Variants in ADAMTS14 observed in about 807,000 individuals in gnomAD.
ADAMTS14 encodes the protein ADAM metallopeptidase with thrombospondin type 1 motif 14.
In ADAMTS14, 100 loss-of-function variants were observed where a neutral mutation model predicts 128.6. That is an observed-to-expected ratio of 0.78 (90% CI 0.66 to 0.92). ADAMTS14 has a LOEUF of 0.92. Ranked by LOEUF, ADAMTS14 falls within the 40% of genes least tolerant of loss-of-function variation. The pLI, the probability that ADAMTS14 is intolerant of heterozygous loss-of-function variation, is 0.00. For synonymous variants in ADAMTS14, 665 were observed against 653.8 expected, an observed-to-expected ratio of 1.02 and a Z score of -0.26; for missense variants, 1,562 against 1,658.6, an observed-to-expected ratio of 0.94 and a Z score of 1.01.
intron 17 of ADAMTS14, 52 bp from the exon 18 acceptor site, chr10:70,752,043 G>T (rs931211672): frequency 6.3e-6 from 10 of 1,575,132 alleles, no homozygotes; most frequent in Non-Finnish European, 8.6e-6. Flanking sequence ...CCCCACCAGG[G>T]CAATGGGGGG....
intron 4 of ADAMTS14, among the ~76,000 whole-genome samples, chr10:70,711,229 A>G (rs1840847048): frequency 6.6e-6 from 1 of 152,214 alleles, no homozygotes; most frequent in Admixed American, 6.5e-5. Flanking sequence ...TCTCTACCAG[A>G]CATTCTGGCC....
rs546335747 is a variant in ADAMTS14, at chr10:70,690,768, G to A, written c.523-11544G>A. 1.2e-3 allele frequency among the ~76,000 whole-genome samples: 174 copies of A among 145,260 alleles called. 24 individuals are homozygous for A. The highest frequency in any genetic ancestry group is 2.5e-3 in the Admixed American group (36 of 14,666). On this transcript the variant is annotated intron_variant, in intron 2 of 21. Transcript: ENST00000373207. Reference sequence around the variant, plus strand: ...TGCTGCTCACTGTCAGCTGGTGTGCGTCTGAGTGGCAGCGTTCAAACTGCA... The same window carrying A: ...TGCTGCTCACTGTCAGCTGGTGTGCATCTGAGTGGCAGCGTTCAAACTGCA...
intron 2 of ADAMTS14, among the ~76,000 whole-genome samples, chr10:70,677,481 C>T (rs143020270): frequency 3.3e-5 from 5 of 152,292 alleles, no homozygotes; most frequent in East Asian, 1.9e-4. Context: ...GAAGCCGGAT[C>T]GGGTCTCAGA....
rs978654624 is a variant in ADAMTS14 at position 70,690,386 on chromosome 10, C to T, written c.523-11926C>T. ...TTTCATCTGCTCCTTCCACCCTTTGCAGAGGAGACTGGCCAGTGATACCTG... is the reference window on the plus strand; with the variant it reads ...TTTCATCTGCTCCTTCCACCCTTTGTAGAGGAGACTGGCCAGTGATACCTG... On this transcript the variant is annotated intron_variant, in intron 2 of 21. Transcript: ENST00000373207. 4.1e-5 allele frequency among the ~76,000 whole-genome samples: 6 copies of T among 144,656 alleles called. 2 individuals carry two copies. The highest frequency in any genetic ancestry group is 9.5e-5 in the Non-Finnish European group (6 of 63,284). The allele number at this position is 144,656 out of a possible 152,430, so 94.9% of individuals were successfully genotyped here. A position where few individuals can be genotyped will look rare whatever the true frequency, so the allele number is the denominator to read the frequency against.
At chr10:70,713,466 C>T (rs1035834423) in intron 4 of ADAMTS14, among the ~76,000 whole-genome samples, 5 of 152,198 alleles carry the variant, frequency 3.3e-5, no homozygotes, top group African/African-American at 4.8e-5. Flanking sequence ...GCAGGAGCCC[C>T]AGGGGCCACA....
chr10:70,731,082 ACAC>A (rs1564543661), intron 6 of ADAMTS14, among the ~76,000 whole-genome samples: 18 of 149,356 alleles, frequency 1.2e-4, no homozygotes, highest in Admixed American at 1.1e-3. Context: ...ACACACACAC[ACAC>A]ACACACGTAC....
At chr10:70,741,819 G>T (rs921126933) in intron 12 of ADAMTS14, among the ~76,000 whole-genome samples, 1 of 152,152 alleles carries the variant, frequency 6.6e-6, no homozygotes, top group Non-Finnish European at 1.5e-5. Flanking sequence ...TCCAGTGATG[G>T]CTCCATAGCG....
chr10:70,730,155 T>A lies in ADAMTS14; in HGVS notation c.1008T>A (p.Cys336Ter). ...GNPSRSLEQVCRWAHSQQRQD... is the reference protein window; with the variant it reads ...GNPSRSLEQV ...CCTCACGCAGCCTGGAGCAGGTGTG[T>A]CGCTGGGCACACTCCCAGCAGCGCC... Residue 336 changes from cysteine to a stop codon, truncating the protein, a stop_gained, in exon 6 of 22, where the codon TGT (cysteine) becomes TGA (stop). Transcript: ENST00000373207. LOFTEE classifies it high-confidence loss of function. 3.1e-6 allele frequency: 5 copies of A among 1,612,878 alleles called. No homozygotes were observed. Among genetic ancestry groups the A allele is most frequent in the Non-Finnish European group, 3.4e-6 (4 of 1,179,974 alleles).
chr10:70,687,309 G>A (rs1840002786), intron 2 of ADAMTS14, among the ~76,000 whole-genome samples: 1 of 105,420 alleles, frequency 9.5e-6, no homozygotes, highest in South Asian at 4.2e-4. Context: ...CTCCCTCCTG[G>A]ACAGGGCGGC....
chr10:70,751,499 G>A lies in ADAMTS14; in HGVS notation c.2449G>A (p.Gly817Ser), dbSNP rs759849405. 1.9e-6 allele frequency: 3 copies of A among 1,606,720 alleles called. No homozygotes were observed. In the South Asian group the frequency reaches 3.3e-5, roughly 18 times the overall value. ...AILALPPTEG[G>S]PRSSLAYKYV... ...TCAGGCTCTCCCCCCAACTGAGGGTGGCCCCCGCAGCAGCCTGGCCTACAA... is the reference window on the plus strand; with the variant it reads ...TCAGGCTCTCCCCCCAACTGAGGGTAGCCCCCGCAGCAGCCTGGCCTACAA... The change falls in exon 17 of 22, where the codon GGC (glycine) becomes AGC (serine). Residue 817 changes from glycine (G) to serine (S), a missense_variant. By Grantham distance (56) the Gly-to-Ser change is moderately conservative. Transcript: ENST00000373207.
chr10:70,732,663 C>A (rs1235912976), intron 7 of ADAMTS14, among the ~76,000 whole-genome samples: 1 of 152,204 alleles, frequency 6.6e-6, no homozygotes, highest in Non-Finnish European at 1.5e-5. Context: ...GTGGCAGTGT[C>A]CCCATCACAC....
At chr10:70,757,567 G>T (rs1170273678) in intron 19 of ADAMTS14, among the ~76,000 whole-genome samples, 2 of 152,084 alleles carry the variant, frequency 1.3e-5, no homozygotes, top group African/African-American at 4.8e-5. Context: ...TGCAACAGGG[G>T]AGTTTGCTAG....
Position 70,738,874 on chromosome 10 carries a change from G to A in ADAMTS14, c.1632G>A (p.Ser544=), listed in dbSNP as rs749282565. ...TCAAAGGTCACTGCATCTGGAAGTC[G>A]CCGGAGCAGACATATGGCCAGGATG... ...WCFKGHCIWK[S]PEQTYGQDGG... The change falls in exon 11 of 22, where the codon TCG becomes TCA. Residue 544 remains serine, a synonymous_variant. Transcript: ENST00000373207. The A allele has an allele frequency of 5.6e-6, 9 of 1,613,976 alleles. No homozygotes were observed. The highest frequency in any genetic ancestry group is 2.7e-5 in the African/African-American group (2 of 74,910).
At chr10:70,676,510 G>A (rs894300744) in intron 2 of ADAMTS14, among the ~76,000 whole-genome samples, 1 of 152,198 alleles carries the variant, frequency 6.6e-6, no homozygotes, top group Non-Finnish European at 1.5e-5. Context: ...AGAATCACCT[G>A]AGCACCTTGT....
At chr10:70,751,265 G>A (rs1329549229) in intron 16 of ADAMTS14, among the ~76,000 whole-genome samples, 1 of 152,130 alleles carries the variant, frequency 6.6e-6, no homozygotes, top group Non-Finnish European at 1.5e-5. Context: ...CCTTGGGCCT[G>A]GCACACAGCA....
Position 70,760,843 on chromosome 10 carries a change from C to G in ADAMTS14, c.3662C>G (p.Pro1221Arg). The G allele has an allele frequency of 1.3e-6, 2 of 1,572,922 alleles. No homozygotes were observed. Among genetic ancestry groups the G allele is most frequent in the South Asian group, 1.2e-5 (1 of 83,704 alleles). ...HPGTSLPAAS[P>R]VT is the part of the protein sequence containing the mutation. ...GGCACCAGCCTCCCTGCTGCCTCCC[C>G]GGTGACATGAGCTGTGCCCTGCCAT... Residue 1221 changes from proline to arginine, a missense_variant, in exon 22 of 22, where the codon CCG becomes CGG. Coordinates refer to ENST00000373207, the MANE Select transcript of ADAMTS14 (RefSeq NM_080722.4).
intron 2 of ADAMTS14, among the ~76,000 whole-genome samples, chr10:70,697,674 G>T (rs1840369504): frequency 6.6e-6 from 1 of 152,222 alleles, no homozygotes; most frequent in Non-Finnish European, 1.5e-5. Context: ...CACTTGCTCA[G>T]TTGTGGTTCA....
At chr10:70,725,645 C>T (rs891631284) in intron 4 of ADAMTS14, among the ~76,000 whole-genome samples, 1 of 152,174 alleles carries the variant, frequency 6.6e-6, no homozygotes, top group Non-Finnish European at 1.5e-5. Context: ...AGGGCTCTGC[C>T]TTTATGACTT....
intron 5 of ADAMTS14, among the ~76,000 whole-genome samples, chr10:70,729,721 C>T (rs1332031907): frequency 1.3e-5 from 2 of 152,120 alleles, no homozygotes; most frequent in Non-Finnish European, 2.9e-5. Flanking sequence ...GACTACCAGT[C>T]ACCTATTATT....
Sources: gnomAD v4.1 joint callset for allele counts (sites outside exome capture counted in the v4.1 genomes callset) on GRCh38, gnomAD v4.1.1 for gene constraint, MANE v1.5 for transcripts, NCBI Gene and HGNC (gene_info 2026-07-23, HGNC 2026-07-21) for gene names.